The following DYRK3 variants were observed in gnomAD, a reference collection of about 807,000 sequenced individuals.
DYRK3 encodes the protein dual specificity tyrosine-phosphorylation-regulated kinase 3.
Under a neutral mutation model 40.8 loss-of-function variants are expected in DYRK3, and 30 were observed. The observed-to-expected ratio is 0.74, with a 90% confidence interval of 0.55 to 1.00. DYRK3 has a LOEUF of 1.00. Among genes scored for constraint, DYRK3 ranks in the 50% least tolerant of loss-of-function variants. The pLI, the probability that DYRK3 is intolerant of heterozygous loss-of-function variation, is 0.00. For synonymous variants in DYRK3, 272 were observed against 260.7 expected, an observed-to-expected ratio of 1.04 and a Z score of -0.42; for missense variants, 699 against 731.5, an observed-to-expected ratio of 0.96 and a Z score of 0.51.
rs2102344316 is a variant in DYRK3 at position 206,648,301 on chromosome 1, C to T, written c.1103C>T (p.Thr368Ile). The part of the protein sequence containing the change: ...SSCFEYQKLY[T>I]YIQSRFYRAP... ...TGTTTCGAGTACCAGAAGCTCTACA[C>T]ATATATCCAGTCTCGGTTCTACAGA... is the stretch of plus-strand genomic sequence containing the variant. The change falls in exon 3 of 3, where the codon ACA becomes ATA. Residue 368 changes from threonine (T) to isoleucine (I), a missense_variant. By Grantham distance (89) the Thr-to-Ile change is moderately conservative. Transcript: ENST00000367109. 2 of 1,614,192 alleles carry T rather than the reference C, an allele frequency of 1.2e-6. No homozygotes were observed. The highest frequency in any genetic ancestry group is 2.2e-5 in the East Asian group (1 of 44,890).
Position 206,648,095 on chromosome 1 carries a change from TA to T in DYRK3, c.905del (p.Asn302IlefsTer35), listed in dbSNP as rs1558559176. ...LLSIDLYELI[K>X]KNKFQGFSVQ... ...TGAGCATAGACCTTTATGAGCTGATTAAAAAAAATAAGTTTCAGGGTTTTAG... is the reference window on the plus strand; with the variant it reads ...TGAGCATAGACCTTTATGAGCTGATTAAAAAAATAAGTTTCAGGGTTTTAG... On this transcript the variant is annotated frameshift_variant, in exon 3 of 3. Coordinates refer to ENST00000367109, the MANE Select transcript of DYRK3 (RefSeq NM_003582.4). LOFTEE classifies it high-confidence loss of function. The T allele has an allele frequency of 1.2e-6, 2 of 1,613,862 alleles. No homozygotes were observed. The highest frequency in any genetic ancestry group is 1.7e-6 in the Non-Finnish European group (2 of 1,179,948).
At chr1:206,639,772 C>T (rs1373971661) in intron 2 of DYRK3, among the ~76,000 whole-genome samples, 2 of 151,940 alleles carry the variant, frequency 1.3e-5, no homozygotes, top group African/African-American at 2.4e-5. Flanking sequence ...GTCATTTTTA[C>T]TTTGATTCAG....
intron 2 of DYRK3, among the ~76,000 whole-genome samples, chr1:206,640,883 G>C (rs1050668899): frequency 6.6e-6 from 1 of 152,134 alleles, no homozygotes; most frequent in African/African-American, 2.4e-5. Flanking sequence ...GATTAATACA[G>C]TAGAAGATTC....
Position 206,651,021 on chromosome 1 carries a change from T to A in DYRK3, c.*2056T>A, listed in dbSNP as rs775807232. On this transcript the variant is annotated 3_prime_UTR_variant, in exon 3 of 3. Coordinates refer to ENST00000367109, the MANE Select transcript of DYRK3 (RefSeq NM_003582.4). Reference sequence around the variant, plus strand: ...TACAACTCCTTTAGATCCCTCTAACTCCTGCTGAATTTTCTTTCTTTTTTT... The same window carrying A: ...TACAACTCCTTTAGATCCCTCTAACACCTGCTGAATTTTCTTTCTTTTTTT... Among the ~76,000 whole-genome samples, 2 of 152,212 alleles carry A rather than the reference T, an allele frequency of 1.3e-5. No individual in the cohort carries two copies. Among genetic ancestry groups the A allele is most frequent in the Non-Finnish European group, 2.9e-5 (2 of 68,020 alleles).
rs1211752324 is a variant in DYRK3 at position 206,654,558 on chromosome 1, C to T, written c.*5593C>T. Among the ~76,000 whole-genome samples, 1 of 152,202 alleles carries T rather than the reference C, an allele frequency of 6.6e-6. No homozygotes were observed. Among genetic ancestry groups the T allele is most frequent in the African/African-American group, 2.4e-5 (1 of 41,444 alleles). On this transcript the variant is annotated 3_prime_UTR_variant, in exon 3 of 3. Transcript: ENST00000367109. ...ACTCCATTTTCACCTTCAACCTATC[C>T]TTCCTGAAGCCCAAACTTTTAAAGA... is the stretch of plus-strand genomic sequence containing the variant.
intron 2 of DYRK3, among the ~76,000 whole-genome samples, chr1:206,641,969 A>G (rs1671303615): frequency 6.6e-6 from 1 of 150,820 alleles, no homozygotes; most frequent in Admixed American, 6.6e-5. Flanking sequence ...AGCAAAGTAA[A>G]CTACCATCAG....
In DYRK3 at chr1:206,647,765, G is replaced by C; in HGVS notation, c.567G>C (p.Gly189=). ...TTATTGGTGGTCCCAATAATGGAGGGTATGATGATGCAGATGGGGCCTATA... is the reference window on the plus strand; with the variant it reads ...TTATTGGTGGTCCCAATAATGGAGGCTATGATGATGCAGATGGGGCCTATA... The part of the protein sequence containing the change: ...HGVIGGPNNG[G]YDDADGAYIH... The change falls in exon 3 of 3, where the codon GGG becomes GGC. Residue 189 remains glycine, a synonymous_variant. Coordinates refer to ENST00000367109, the MANE Select transcript of DYRK3 (RefSeq NM_003582.4). The C allele has an allele frequency of 6.2e-7, 1 of 1,614,090 alleles. No individual in the cohort carries two copies. Among genetic ancestry groups the C allele is most frequent in the Non-Finnish European group, 8.5e-7 (1 of 1,180,018 alleles).
At chr1:206,638,994 C>T (rs1671201020) in intron 2 of DYRK3, among the ~76,000 whole-genome samples, 1 of 151,740 alleles carries the variant, frequency 6.6e-6, no homozygotes, top group African/African-American at 2.4e-5. Flanking sequence ...ATTCTCCTGC[C>T]TCAGCCTTCC....
intron 1 of DYRK3, chr1:206,636,193 G>GT: frequency 1.5e-6 from 1 of 659,948 alleles, no homozygotes; most frequent in South Asian, 1.4e-5. Flanking sequence ...GGGGTTTGCT[G>GT]TGAGGGGTGC....
At position 206,652,663 on chromosome 1, in the gene DYRK3, C is replaced by T. The variant is rs966724163; in HGVS notation, c.*3698C>T. 1.1e-4 allele frequency among the ~76,000 whole-genome samples: 17 copies of T among 152,152 alleles called. No homozygotes were observed. Among genetic ancestry groups the T allele is most frequent in the African/African-American group, 3.6e-4 (15 of 41,416 alleles). Reference sequence around the variant, plus strand: ...GCTGCTTAAAAACATGGTGCTCGTCCACATGGATTTGAGGAAGTTTATGGT... The same window carrying T: ...GCTGCTTAAAAACATGGTGCTCGTCTACATGGATTTGAGGAAGTTTATGGT... On this transcript the variant is annotated 3_prime_UTR_variant, in exon 3 of 3. Coordinates refer to ENST00000367109, the MANE Select transcript of DYRK3 (RefSeq NM_003582.4).
In DYRK3 at chr1:206,647,896, A is replaced by G. The variant is rs201029070; in HGVS notation, c.698A>G (p.Gln233Arg). The G allele has an allele frequency of 8.1e-6, 13 of 1,614,130 alleles. No individual in the cohort carries two copies. The highest frequency in any genetic ancestry group is 1.1e-5 in the Non-Finnish European group (13 of 1,180,026). ...VARVYDHKLR[Q>R]YVALKMVRNE... ...AGGGTCTATGATCACAAACTTCGACAGTACGTGGCCCTAAAAATGGTGCGC... is the reference window on the plus strand; with the variant it reads ...AGGGTCTATGATCACAAACTTCGACGGTACGTGGCCCTAAAAATGGTGCGC... The change falls in exon 3 of 3, where the codon CAG (glutamine) becomes CGG (arginine). Residue 233 changes from glutamine to arginine, a missense_variant. Physicochemically the swap from Gln to Arg is conservative, Grantham distance 43. Transcript: ENST00000367109.
chr1:206,643,799 C>T (rs540259487), intron 2 of DYRK3, among the ~76,000 whole-genome samples: 13 of 151,876 alleles, frequency 8.6e-5, no homozygotes, highest in African/African-American at 2.4e-4. Flanking sequence ...TGGAGGAAGC[C>T]GCCAGCAAGA....
At position 206,648,148 on chromosome 1, in the gene DYRK3, A is replaced by C; in HGVS notation, c.950A>C (p.Gln317Pro). 6.2e-7 allele frequency: 1 copy of C among 1,614,206 alleles called. No homozygotes were observed. Among genetic ancestry groups the C allele is most frequent in the Non-Finnish European group, 8.5e-7 (1 of 1,180,034 alleles). ...FSVQLVRKFA[Q>P]SILQSLDALH... ...GTCCAGTTGGTACGCAAGTTTGCCC[A>C]GTCCATCTTGCAATCTTTGGATGCC... is the stretch of plus-strand genomic sequence containing the variant. The change falls in exon 3 of 3, where the codon CAG becomes CCG. Residue 317 changes from glutamine (Q) to proline (P), a missense_variant. Transcript: ENST00000367109.
At position 206,653,005 on chromosome 1, in the gene DYRK3, A is replaced by C. The variant is rs1671670628; in HGVS notation, c.*4040A>C. ...GGTTAGAATTTTTATTTCATTCCCC[A>C]AGTCATTTTTTCTTTTTCTTTATTT... On this transcript the variant is annotated 3_prime_UTR_variant, in exon 3 of 3. Coordinates refer to ENST00000367109, the MANE Select transcript of DYRK3 (RefSeq NM_003582.4). Among the ~76,000 whole-genome samples the C allele has an allele frequency of 1.3e-5, 2 of 152,130 alleles. No homozygotes were observed. Among genetic ancestry groups the C allele is most frequent in the South Asian group, 4.1e-4 (2 of 4,828 alleles).
At chr1:206,637,505 C>T in intron 1 of DYRK3, 145 bp from the exon 2 acceptor site, 1 of 578,892 alleles carries the variant, frequency 1.7e-6, no homozygotes, top group Non-Finnish European at 3.0e-6. Flanking sequence ...CTTCCAAATA[C>T]CCCAGTTGTT....
intron 1 of DYRK3, chr1:206,636,740 T>C (rs880001876): frequency 1.2e-5 from 6 of 485,294 alleles, no homozygotes; most frequent in Non-Finnish European, 2.2e-5. Flanking sequence ...TCATAGTGTA[T>C]CATGTAAAAT....
rs947498467 is a variant in DYRK3, at chr1:206,648,457, G to T, written c.1259G>T (p.Cys420Phe). ...PGEDEGDQLA[C>F]MMELLGMPPP... ...GAGGATGAAGGAGACCAGTTGGCCTGCATGATGGAGCTTCTAGGGATGCCA... is the reference window on the plus strand; with the variant it reads ...GAGGATGAAGGAGACCAGTTGGCCTTCATGATGGAGCTTCTAGGGATGCCA... The change falls in exon 3 of 3, where the codon TGC becomes TTC. Residue 420 changes from cysteine (C) to phenylalanine (F), a missense_variant. By Grantham distance (205) the Cys-to-Phe change is radical (BLOSUM62 -2). Coordinates refer to ENST00000367109, the MANE Select transcript of DYRK3 (RefSeq NM_003582.4). 1 of 1,614,184 alleles carries T rather than the reference G, an allele frequency of 6.2e-7. No homozygotes were observed.
chr1:206,636,861 G>A (rs537057942), intron 1 of DYRK3: 2 of 1,562,852 alleles, frequency 1.3e-6, no homozygotes, highest in South Asian at 2.3e-5. Flanking sequence ...TCCGTCTTTT[G>A]TGTTCCCTTA....
In DYRK3 at chr1:206,640,546, GAT is replaced by G. The variant is rs1491298994; in HGVS notation, c.189+2786_189+2787del. Among the ~76,000 whole-genome samples, 42 of 99,224 alleles carry G rather than the reference GAT, an allele frequency of 4.2e-4. No individual in the cohort carries two copies. The South Asian group carries it at 9.5e-3, about 22-fold the overall frequency. 65.1% of individuals were successfully genotyped at this position (99,224 alleles called of 152,430 possible). A position where few individuals can be genotyped will look rare whatever the true frequency, so the allele number is the denominator to read the frequency against. ...TTATTCCTTTTCAATTTCTCAGCAA[GAT>G]TTTTTTTTTTTTTTTTTTTTAAGAC... On this transcript the variant is annotated intron_variant, in intron 2 of 2. Coordinates refer to ENST00000367109, the MANE Select transcript of DYRK3 (RefSeq NM_003582.4).
Sources: allele counts gnomAD v4.1 joint callset (sites outside exome capture counted in the v4.1 genomes callset), GRCh38; gene constraint gnomAD v4.1.1; transcripts MANE v1.5; gene names NCBI Gene and HGNC (gene_info 2026-07-23, HGNC 2026-07-21).